FAM163A: variants seen among roughly 807,000 people sequenced by gnomAD.
FAM163A encodes the protein protein FAM163A.
In FAM163A, 7 loss-of-function variants were observed where a neutral mutation model predicts 12.0. The ratio of observed to expected loss-of-function variants is 0.58; its 90% CI spans 0.33 to 1.10. The LOEUF (loss-of-function observed/expected upper bound fraction) is 1.10, where lower values mean the gene tolerates loss of function less well. FAM163A is among the 50% of genes least tolerant of loss of function. FAM163A has a pLI of 0.03. For synonymous variants in FAM163A, 101 were observed against 91.0 expected, an observed-to-expected ratio of 1.11 and a Z score of -0.62; for missense variants, 202 against 218.6, an observed-to-expected ratio of 0.92 and a Z score of 0.48.
At chr1:179,794,801 G>A (rs1571518761) in intron 1 of FAM163A, among the ~76,000 whole-genome samples, 1 of 152,134 alleles carries the variant, frequency 6.6e-6, no homozygotes, top group African/African-American at 2.4e-5. Context: ...AGTGAACCCT[G>A]GGTCATGAGG....
intron 1 of FAM163A, among the ~76,000 whole-genome samples, chr1:179,774,110 T>C (rs777357101): frequency 2.0e-5 from 3 of 152,224 alleles, no homozygotes; most frequent in Admixed American, 6.5e-5. Flanking sequence ...CCAGCTGCTT[T>C]CTCACCCCTG....
intron 4 of FAM163A, 142 bp from the exon 5 acceptor site, chr1:179,813,637 T>C (rs1238298550): frequency 2.2e-6 from 2 of 908,562 alleles, no homozygotes; most frequent in Non-Finnish European, 3.3e-6. Context: ...GATTAGAAAC[T>C]TGTGGAGCAG....
At chr1:179,767,100 C>T (rs1175839788) in intron 1 of FAM163A, among the ~76,000 whole-genome samples, 1 of 152,096 alleles carries the variant, frequency 6.6e-6, no homozygotes, top group African/African-American at 2.4e-5. Context: ...TCCCTGCCAT[C>T]GTTCTCCCAG....
chr1:179,734,460 A>C, the FAM163A span, among the ~76,000 whole-genome samples: 4 of 152,208 alleles, frequency 2.6e-5, no homozygotes, highest in Non-Finnish European at 5.9e-5. Context: ...AATAATACCA[A>C]TCAATAAAAA....
At chr1:179,752,710 AT>A (rs1685457719) in intron 1 of FAM163A, among the ~76,000 whole-genome samples, 2 of 152,194 alleles carry the variant, frequency 1.3e-5, no homozygotes, top group Non-Finnish European at 2.9e-5. Context: ...CAAATCACTA[AT>A]TTTCAGAGAA....
the FAM163A span, chr1:179,730,104 C>T: frequency 6.6e-6 from 1 of 152,152 alleles, no homozygotes; most frequent in Admixed American, 6.5e-5. Context: ...CACAAAGAGC[C>T]CCATCCTAAT....
At chr1:179,735,375 C>T in the FAM163A span, among the ~76,000 whole-genome samples, 3 of 151,938 alleles carry the variant, frequency 2.0e-5, no homozygotes, top group African/African-American at 4.8e-5. Context: ...TATTCAGTGT[C>T]ACTGGGATTA....
At chr1:179,780,990 G>C (rs1196137994) in intron 1 of FAM163A, among the ~76,000 whole-genome samples, 1 of 152,146 alleles carries the variant, frequency 6.6e-6, no homozygotes, top group Non-Finnish European at 1.5e-5. Flanking sequence ...GATCTCAGAA[G>C]TAAAAGCATC....
chr1:179,789,432 T>C (rs1180611063), intron 1 of FAM163A, among the ~76,000 whole-genome samples: 2 of 152,224 alleles, frequency 1.3e-5, no homozygotes, highest in African/African-American at 4.8e-5. Context: ...TCTGCCCACC[T>C]TGGCCTCCCA....
chr1:179,786,269 G>A (rs1010977873), intron 1 of FAM163A, among the ~76,000 whole-genome samples: 14 of 152,200 alleles, frequency 9.2e-5, no homozygotes, highest in African/African-American at 3.1e-4. Context: ...CCCTGGCTAG[G>A]CTTTTCTGAG....
chr1:179,754,980 T>G (rs1685797705), intron 1 of FAM163A, among the ~76,000 whole-genome samples: 1 of 151,866 alleles, frequency 6.6e-6, no homozygotes, highest in Non-Finnish European at 1.5e-5. Flanking sequence ...CTACTAAAAA[T>G]ACAAAAATTA....
At chr1:179,732,385 T>G in the FAM163A span, among the ~76,000 whole-genome samples, 2 of 152,234 alleles carry the variant, frequency 1.3e-5, no homozygotes, top group African/African-American at 2.4e-5. Flanking sequence ...CAAAGCTTTT[T>G]TCAGTGTGGG....
chr1:179,733,402 AAC>A, the FAM163A span, among the ~76,000 whole-genome samples: 6 of 152,212 alleles, frequency 3.9e-5, no homozygotes, highest in African/African-American at 1.4e-4. Context: ...ATGACTATAA[AAC>A]ACAAAATCTT....
the FAM163A span, among the ~76,000 whole-genome samples, chr1:179,735,271 ATCT>A: frequency 2.0e-5 from 3 of 152,198 alleles, no homozygotes; most frequent in African/African-American, 4.8e-5. Flanking sequence ...TATGTTTAAA[ATCT>A]TCTTAAAAGC....
At chr1:179,732,880 C>CAAAAA in the FAM163A span, among the ~76,000 whole-genome samples, 1,906 of 39,118 alleles carry the variant, frequency 0.049, 315 homozygotes, top group African/African-American at 0.054. Flanking sequence ...GACTCTGCCT[C>CAAAAA]AAAAAAAAAA....
chr1:179,735,047 A>G, the FAM163A span, among the ~76,000 whole-genome samples: 1 of 152,224 alleles, frequency 6.6e-6, no homozygotes, highest in East Asian at 1.9e-4. Flanking sequence ...GCTAGAATGC[A>G]CCTGACAAAG....
At chr1:179,757,595 T>C (rs1016800171) in intron 1 of FAM163A, among the ~76,000 whole-genome samples, 1 of 152,158 alleles carries the variant, frequency 6.6e-6, no homozygotes, top group Non-Finnish European at 1.5e-5. Context: ...GTGGATCTCT[T>C]GAGCCCAGGA....
At chr1:179,799,850 T>G (rs981963435) in intron 1 of FAM163A, among the ~76,000 whole-genome samples, 1 of 152,136 alleles carries the variant, frequency 6.6e-6, no homozygotes, top group East Asian at 1.9e-4. Context: ...AAATGACACA[T>G]AACTAAGTCC....
chr1:179,757,789 G>A (rs1389771476), intron 1 of FAM163A, among the ~76,000 whole-genome samples: 1 of 151,668 alleles, frequency 6.6e-6, no homozygotes, highest in Non-Finnish European at 1.5e-5. Context: ...TCCAGCCTGA[G>A]CGACAAAGCG....
Sources: gnomAD v4.1 joint callset for allele counts (sites outside exome capture counted in the v4.1 genomes callset) on GRCh38, gnomAD v4.1.1 for gene constraint, MANE v1.5 for transcripts, NCBI Gene and HGNC (gene_info 2026-07-23, HGNC 2026-07-21) for gene names.